BRINP3: variants seen among roughly 807,000 people sequenced by gnomAD.
BRINP3 encodes the protein BMP/retinoic acid-inducible neural-specific protein 3.
In BRINP3, 19 loss-of-function variants were observed where a neutral mutation model predicts 71.0. That is an observed-to-expected ratio of 0.27 (90% CI 0.19 to 0.39). The LOEUF (loss-of-function observed/expected upper bound fraction) is 0.39, where lower values mean the gene tolerates loss of function less well. Among genes scored for constraint, BRINP3 ranks in the 10% least tolerant of loss-of-function variants. The pLI is 1.00. For synonymous variants in BRINP3, 380 were observed against 337.7 expected (o/e 1.13, Z -1.37); for missense variants, 959 against 940.8 (o/e 1.02, Z -0.25).
At chr1:190,099,611 G>A (rs1308107704) in intron 7 of BRINP3, among the ~76,000 whole-genome samples, 2 of 152,266 alleles carry the variant, frequency 1.3e-5, no homozygotes, top group East Asian at 1.9e-4. Context: ...AACCACTAGT[G>A]TTGCAGGAAG....
At chr1:190,206,742 A>G (rs1655534778) in intron 6 of BRINP3, among the ~76,000 whole-genome samples, 1 of 152,128 alleles carries the variant, frequency 6.6e-6, no homozygotes, top group Admixed American at 6.6e-5. Context: ...CTAGAAGATG[A>G]AAAATGGTTA....
chr1:190,219,868 T>A (rs1656722456), intron 6 of BRINP3, among the ~76,000 whole-genome samples: 1 of 149,708 alleles, frequency 6.7e-6, no homozygotes, highest in Non-Finnish European at 1.5e-5. Flanking sequence ...TAATAATAAA[T>A]TTTAAAAAAA....
intron 2 of BRINP3, among the ~76,000 whole-genome samples, chr1:190,395,684 C>T (rs1049481793): frequency 6.6e-5 from 10 of 151,634 alleles, no homozygotes; most frequent in African/African-American, 2.2e-4. Context: ...AAAAACCTAC[C>T]TTCATTCAAC....
intron 2 of BRINP3, among the ~76,000 whole-genome samples, chr1:190,356,766 A>G (rs1668760112): frequency 6.6e-6 from 1 of 152,076 alleles, no homozygotes; most frequent in South Asian, 2.1e-4. Context: ...TTAGAAGATT[A>G]AGACATAGAC....
At chr1:190,355,252 A>G (rs1275362466) in intron 2 of BRINP3, among the ~76,000 whole-genome samples, 1 of 151,824 alleles carries the variant, frequency 6.6e-6, no homozygotes, top group Non-Finnish European at 1.5e-5. Context: ...AAATAATACA[A>G]CCTTTGGATC....
At chr1:190,233,976 T>C (rs1658264728) in intron 5 of BRINP3, among the ~76,000 whole-genome samples, 1 of 152,158 alleles carries the variant, frequency 6.6e-6, no homozygotes, top group Admixed American at 6.6e-5. Context: ...TTAGGTTATA[T>C]ATAAAATGTC....
chr1:190,234,052 T>G (rs1658272379), intron 5 of BRINP3, among the ~76,000 whole-genome samples: 1 of 152,106 alleles, frequency 6.6e-6, no homozygotes, highest in Admixed American at 6.6e-5. Context: ...AAGTAAAAAG[T>G]CAAAGCTCAG....
chr1:190,409,223 A>G (rs928801588), intron 2 of BRINP3, among the ~76,000 whole-genome samples: 7 of 152,152 alleles, frequency 4.6e-5, no homozygotes, highest in Admixed American at 3.9e-4. Flanking sequence ...GCAACACAGT[A>G]AGACCCTGTC....
intron 6 of BRINP3, among the ~76,000 whole-genome samples, chr1:190,183,716 A>G (rs1255995838): frequency 6.6e-6 from 1 of 152,084 alleles, no homozygotes; most frequent in Non-Finnish European, 1.5e-5. Context: ...GTTCTTTGTC[A>G]CAGTGTAGAT....
Position 190,439,329 on chromosome 1 carries a change from G to GT in BRINP3, c.236+15325dup, listed in dbSNP as rs1048117249. On this transcript the variant is annotated intron_variant, in intron 2 of 7. Transcript: ENST00000367462. ...GGGTATATTAATTAATTAATATAATGTTTTTTTATATAACCTCAGTACCTT... is the reference window on the plus strand; with the variant it reads ...GGGTATATTAATTAATTAATATAATGTTTTTTTTATATAACCTCAGTACCTT... 1.3e-4 allele frequency among the ~76,000 whole-genome samples: 20 copies of GT among 149,188 alleles called. 1 individual carries two copies. The highest frequency in any genetic ancestry group is 3.8e-4 in the African/African-American group (15 of 39,024).
rs752153324 is a variant in BRINP3 at position 190,098,323 on chromosome 1, T to G, written c.1996A>C (p.Ile666Leu). The stretch of plus-strand genomic sequence containing the variant: ...TGCATGCTGTAGCCAAACACTTGAA[T>G]GTTATTGATTTTCATATAGCCCAGG... ...RNLGYMKINNIQVFGYSMHFD... is the reference protein window; with the variant it reads ...RNLGYMKINNLQVFGYSMHFD... The change falls in exon 8 of 8, where the codon ATT (isoleucine) becomes CTT (leucine). Residue 666 changes from isoleucine (I) to leucine (L), a missense_variant. Physicochemically the swap from Ile to Leu is conservative, Grantham distance 5 (BLOSUM62 2). Transcript: ENST00000367462. The G allele has an allele frequency of 2.5e-6, 4 of 1,614,166 alleles. No homozygotes were observed. The Admixed American group carries it at 5.0e-5, about 20-fold the overall frequency.
At chr1:190,387,418 T>C (rs1670981909) in intron 2 of BRINP3, among the ~76,000 whole-genome samples, 1 of 151,918 alleles carries the variant, frequency 6.6e-6, no homozygotes, top group Admixed American at 6.6e-5. Context: ...AGTGTGTTTA[T>C]CATGGGAACT....
intron 2 of BRINP3, among the ~76,000 whole-genome samples, chr1:190,401,376 CAAA>C (rs762938571): frequency 7.8e-5 from 7 of 89,340 alleles, no homozygotes; most frequent in Non-Finnish European, 7.9e-5. Context: ...CATCTCAAAA[CAAA>C]AAAAAAAAAA....
rs558650854 is a variant in BRINP3, at chr1:190,112,355, G to A, written c.1185-13221C>T. 3.3e-5 allele frequency among the ~76,000 whole-genome samples: 5 copies of A among 152,220 alleles called. No individual in the cohort carries two copies. In the South Asian group the frequency reaches 1.0e-3, roughly 32 times the overall value. ...TGTTGAGAGTATATGCTATTTGCTT[G>A]ATTTATGAGGATATATTCTAATGTC... On this transcript the variant is annotated intron_variant, in intron 7 of 7. Coordinates refer to ENST00000367462, the MANE Select transcript of BRINP3 (RefSeq NM_199051.3).
intron 5 of BRINP3, among the ~76,000 whole-genome samples, chr1:190,227,439 C>T (rs1657500537): frequency 6.6e-6 from 1 of 151,636 alleles, no homozygotes; most frequent in South Asian, 2.1e-4. Flanking sequence ...ATTTATTGAA[C>T]AGTCTCATTT....
chr1:190,475,248 A>G (rs905353723), intron 1 of BRINP3, among the ~76,000 whole-genome samples: 3 of 152,348 alleles, frequency 2.0e-5, no homozygotes, highest in East Asian at 3.9e-4. Context: ...AGGCATTCTG[A>G]GGAATCGTCG....
At chr1:190,300,343 G>A (rs567137013) in intron 2 of BRINP3, among the ~76,000 whole-genome samples, 112 of 151,878 alleles carry the variant, frequency 7.4e-4, no homozygotes, top group African/African-American at 2.2e-3. Context: ...TGATCGCATC[G>A]GCTCCTGAGG....
At chr1:190,178,667 T>C (rs920904570) in intron 6 of BRINP3, among the ~76,000 whole-genome samples, 4 of 152,132 alleles carry the variant, frequency 2.6e-5, no homozygotes, top group Non-Finnish European at 4.4e-5. Context: ...GTGATAGAAA[T>C]TGAATTCCAT....
At chr1:190,389,294 C>A (rs77210554) in intron 2 of BRINP3, among the ~76,000 whole-genome samples, 115 of 151,750 alleles carry the variant, frequency 7.6e-4, no homozygotes, top group Non-Finnish European at 1.1e-3. Context: ...CCTCCATTCC[C>A]CCATTTCTTC....
Sources: gnomAD v4.1 joint callset for allele counts (sites outside exome capture counted in the v4.1 genomes callset) on GRCh38, gnomAD v4.1.1 for gene constraint, MANE v1.5 for transcripts, NCBI Gene and HGNC (gene_info 2026-07-23, HGNC 2026-07-21) for gene names.